TRPS1: variants seen among roughly 807,000 people sequenced by gnomAD.
TRPS1 encodes zinc finger transcription factor Trps1.
A neutral mutation model predicts 101.2 loss-of-function variants in TRPS1; 6 were observed. That is an observed-to-expected ratio of 0.06 (90% confidence interval 0.03 to 0.12). The LOEUF (loss-of-function observed/expected upper bound fraction) is 0.12. Ranked by LOEUF, TRPS1 falls within the 10% of genes least tolerant of loss-of-function variation. The pLI is 1.00. For missense variants in TRPS1, 1,363 were observed against 1,567.0 expected (o/e 0.87, Z 2.20); for synonymous variants, 578 against 589.8 (o/e 0.98, Z 0.29).
intron 5 of TRPS1, among the ~76,000 whole-genome samples, chr8:115,534,992 A>AATATATATAGC (rs903695939): frequency 6.7e-6 from 1 of 149,770 alleles, no homozygotes; most frequent in Admixed American, 6.7e-5. Context: ...TTGGCATATA[A>AATATATATAGC]ATATATATAG....
At chr8:115,420,578 C>T (rs1813028589) in intron 5 of TRPS1, among the ~76,000 whole-genome samples, 1 of 152,212 alleles carries the variant, frequency 6.6e-6, no homozygotes, top group Non-Finnish European at 1.5e-5. Context: ...GGGTGCTTGA[C>T]ACACCATGCC....
chr8:115,409,261 G>GAAAAAAAAAAAAAAAAAAAAAAAAAAAAA lies in TRPS1; in HGVS notation c.*4761_*4762insTTTTTTTTTTTTTTTTTTTTTTTTTTTTT, dbSNP rs755990611. 2.0e-5 allele frequency: 2 copies of GAAAAAAAAAAAAAAAAAAAAAAAAAAAAA among 102,262 alleles called. 1 individual carries two copies. The highest frequency in any genetic ancestry group is 8.1e-5 in the African/African-American group (2 of 24,726). The allele number at this position is 102,262 out of a possible 1,614,324, so 6.3% of individuals were successfully genotyped here. Reference sequence around the variant, plus strand: ...TGATATGCTGCAGTTTATATGTTGGGAAAAAAAAAAAAAAAAAAAACAGGG... The same window carrying GAAAAAAAAAAAAAAAAAAAAAAAAAAAAA: ...TGATATGCTGCAGTTTATATGTTGGGAAAAAAAAAAAAAAAAAAAAAAAAAAAAAAAAAAAAAAAAAAAAAAAAACAGGG... On this transcript the variant is annotated 3_prime_UTR_variant, in exon 7 of 7. Coordinates refer to ENST00000395715, the MANE Select transcript of TRPS1 (RefSeq NM_014112.5).
At chr8:115,643,706 C>T (rs1009544946) in intron 1 of TRPS1, among the ~76,000 whole-genome samples, 12 of 152,288 alleles carry the variant, frequency 7.9e-5, no homozygotes, top group Non-Finnish European at 1.5e-4. Flanking sequence ...TGACATCCTC[C>T]CATGAATCAT....
chr8:115,512,316 C>T (rs1440143906), intron 5 of TRPS1, among the ~76,000 whole-genome samples: 1 of 151,622 alleles, frequency 6.6e-6, no homozygotes, highest in Non-Finnish European at 1.5e-5. Context: ...TCCTTAGGAA[C>T]TAGTTTGTTT....
intron 5 of TRPS1, among the ~76,000 whole-genome samples, chr8:115,541,687 G>A (rs528201795): frequency 6.1e-4 from 93 of 152,174 alleles, no homozygotes; most frequent in East Asian, 1.7e-3. Flanking sequence ...TTTGTAAAAC[G>A]AAAGGCCAAA....
chr8:115,539,401 C>T (rs750726173), intron 5 of TRPS1, among the ~76,000 whole-genome samples: 9 of 152,150 alleles, frequency 5.9e-5, no homozygotes, highest in Non-Finnish European at 1.2e-4. Flanking sequence ...TATTTTATGT[C>T]TAGTCCCATC....
At chr8:115,477,356 G>A (rs1563759055) in intron 5 of TRPS1, among the ~76,000 whole-genome samples, 2 of 152,182 alleles carry the variant, frequency 1.3e-5, no homozygotes, top group Admixed American at 6.5e-5. Flanking sequence ...AATATTTAAG[G>A]ATACATGCAC....
At chr8:115,422,987 C>G (rs1270031253) in intron 5 of TRPS1, among the ~76,000 whole-genome samples, 1 of 152,174 alleles carries the variant, frequency 6.6e-6, no homozygotes, top group Non-Finnish European at 1.5e-5. Context: ...AAAACTTTCT[C>G]TCCTCTCAGA....
At chr8:115,577,013 T>C (rs1009657411) in intron 5 of TRPS1, among the ~76,000 whole-genome samples, 4 of 152,192 alleles carry the variant, frequency 2.6e-5, no homozygotes, top group Admixed American at 1.3e-4. Flanking sequence ...AACTTTCAGG[T>C]AGGCAATTTC....
rs1563624149 is a variant in TRPS1 at position 115,587,176 on chromosome 8, T to C, written c.2525A>G (p.Asp842Gly). The part of the protein sequence containing the change: ...GTQEQTKTLR[D>G]SPNVEAAHLA... ...ATGGGCGGCCTCCACATTGGGACTA[T>C]CCCTTAGAGTCTTTGTCTGCTCTTG... The change falls in exon 5 of 7, where the codon GAT becomes GGT. Residue 842 changes from aspartate (D) to glycine (G), a missense_variant. Physicochemically the swap from Asp to Gly is moderately conservative, Grantham distance 94. This residue lies in a region of TRPS1 where 1,020 missense variants were observed against 1,073.0 expected (regional missense o/e 0.95). Transcript: ENST00000395715. The C allele has an allele frequency of 1.9e-6, 3 of 1,614,196 alleles. No individual in the cohort carries two copies. Among genetic ancestry groups the C allele is most frequent in the Non-Finnish European group, 2.5e-6 (3 of 1,180,024 alleles).
intron 5 of TRPS1, among the ~76,000 whole-genome samples, chr8:115,472,009 T>C (rs538547009): frequency 1.3e-5 from 2 of 152,306 alleles, no homozygotes; most frequent in South Asian, 4.1e-4. Flanking sequence ...TCTAGGCAAC[T>C]GGTGCAAGCT....
intron 5 of TRPS1, among the ~76,000 whole-genome samples, chr8:115,584,110 C>T (rs1397581173): frequency 6.6e-6 from 1 of 151,922 alleles, no homozygotes; most frequent in Non-Finnish European, 1.5e-5. Context: ...ATCCTAACTA[C>T]ATTCAGCCTT....
At chr8:115,627,987 T>C (rs1380427807) in intron 1 of TRPS1, among the ~76,000 whole-genome samples, 1 of 151,826 alleles carries the variant, frequency 6.6e-6, no homozygotes, top group African/African-American at 2.4e-5. Flanking sequence ...ATTAGTAGTA[T>C]TAAAAGTGCC....
At position 115,590,415 on chromosome 8, in the gene TRPS1, C is replaced by A. The variant is rs190090901; in HGVS notation, c.2097-2811G>T. Among the ~76,000 whole-genome samples the A allele has an allele frequency of 5.3e-5, 8 of 152,278 alleles. No homozygotes were observed. In the East Asian group the frequency reaches 1.5e-3, roughly 29 times the overall value. The stretch of plus-strand genomic sequence containing the variant: ...AATCCATGCCTATAAATTAAAACTA[C>A]AAATTACCACTGACACTTCTACCAA... On this transcript the variant is annotated intron_variant, in intron 4 of 6. Coordinates refer to ENST00000395715, the MANE Select transcript of TRPS1 (RefSeq NM_014112.5).
chr8:115,418,483 G>C lies in TRPS1; in HGVS notation c.2701-31C>G, dbSNP rs1356901106. 1.2e-6 allele frequency: 2 copies of C among 1,613,912 alleles called. No individual in the cohort carries two copies. Among genetic ancestry groups the C allele is most frequent in the Non-Finnish European group, 8.5e-7 (1 of 1,179,950 alleles). On this transcript the variant is annotated intron_variant, in intron 5 of 6. Transcript: ENST00000395715. This position sits in a 1 kb window ranked among gnomAD's most constrained non-coding sequence, Gnocchi z 4.3. ...ACAGGGGAAAAAAACCAAGGTCAGA[G>C]GTGAGTCACATGATCAGTGGAGTTA...
chr8:115,412,431 C>G lies in TRPS1; in HGVS notation c.*1592G>C, dbSNP rs1812811692. The stretch of plus-strand genomic sequence containing the variant: ...CAGCTAGGCAGAGCCAGAACTGACT[C>G]TAATGCATGATGGAATATCTTTGTT... On this transcript the variant is annotated 3_prime_UTR_variant, in exon 7 of 7. Transcript: ENST00000395715. The G allele has an allele frequency of 6.6e-6, 1 of 152,480 alleles. No individual in the cohort carries two copies. Among genetic ancestry groups the G allele is most frequent in the Admixed American group, 6.6e-5 (1 of 15,248 alleles). The allele number at this position is 152,480 out of a possible 1,614,324, so 9.4% of individuals were successfully genotyped here.
chr8:115,649,317 C>A (rs1023035077), intron 1 of TRPS1, among the ~76,000 whole-genome samples: 20 of 152,148 alleles, frequency 1.3e-4, no homozygotes, highest in Non-Finnish European at 2.8e-4. Flanking sequence ...GAAGATACAG[C>A]AACTCAAATC....
intron 5 of TRPS1, among the ~76,000 whole-genome samples, chr8:115,491,691 G>C (rs1425908894): frequency 6.6e-6 from 1 of 152,042 alleles, no homozygotes; most frequent in African/African-American, 2.4e-5. Context: ...AAGAATGAAA[G>C]AAAGAAAGAG....
rs374086025 is a variant in TRPS1 at position 115,587,179 on chromosome 8, C to T, written c.2522G>A (p.Arg841Lys). ...SGTQEQTKTL[R>K]DSPNVEAAHL... ...GGCGGCCTCCACATTGGGACTATCC[C>T]TTAGAGTCTTTGTCTGCTCTTGGGT... Residue 841 changes from arginine (R) to lysine (K), a missense_variant, in exon 5 of 7, where the codon AGG becomes AAG. Around this residue, in one of 5 missense-constraint regions of TRPS1, gnomAD observed 1,020 missense variants for 1,073.0 expected, o/e 0.95. Coordinates refer to ENST00000395715, the MANE Select transcript of TRPS1 (RefSeq NM_014112.5). 21 of 1,614,074 alleles carry T rather than the reference C, an allele frequency of 1.3e-5. No individual in the cohort carries two copies. The highest frequency in any genetic ancestry group is 1.6e-5 in the Non-Finnish European group (19 of 1,180,040).
Sources: gnomAD v4.1 joint callset for allele counts (sites outside exome capture counted in the v4.1 genomes callset) on GRCh38, gnomAD v4.1.1 for gene constraint, gnomAD v4.1.1 regional missense constraint, Gnocchi (gnomAD v3.1) non-coding constraint, MANE v1.5 for transcripts, NCBI Gene and HGNC (gene_info 2026-07-23, HGNC 2026-07-21) for gene names.